The following RXRA variants were observed in gnomAD, a reference collection of about 807,000 sequenced individuals.
RXRA encodes retinoid X receptor alpha, also known as retinoic acid receptor RXR-alpha.
Under a neutral mutation model 44.5 loss-of-function variants are expected in RXRA, and 5 were observed. The observed-to-expected ratio is 0.11, with a 90% CI of 0.06 to 0.24. The LOEUF (loss-of-function observed/expected upper bound fraction) is 0.24, where lower values mean the gene tolerates loss of function less well. Ranked by LOEUF, RXRA falls within the 10% of genes least tolerant of loss-of-function variation. RXRA has a pLI of 1.00. For missense variants in RXRA, 412 were observed against 646.5 expected (o/e 0.64, Z 3.93); for synonymous variants, 291 against 271.4 (o/e 1.07, Z -0.71).
intron 1 of RXRA, among the ~76,000 whole-genome samples, chr9:134,344,779 C>CT (rs1830130430): frequency 6.6e-6 from 1 of 152,236 alleles, no homozygotes; most frequent in Admixed American, 6.5e-5. Context: ...TGACCGGTGT[C>CT]TGTCTGTGTG....
At chr9:134,379,342 C>A in intron 1 of RXRA, 1 of 987,414 alleles carries the variant, frequency 1.0e-6, no homozygotes, top group Non-Finnish European at 1.2e-6. Context: ...CTGGGGGCTC[C>A]GTGACAGACA....
At chr9:134,421,557 G>A in intron 5 of RXRA, 119 bp from the exon 6 acceptor site, 1 of 1,176,438 alleles carries the variant, frequency 8.5e-7, no homozygotes, top group Non-Finnish European at 1.2e-6. Flanking sequence ...GGGCATCTTT[G>A]GGGGCCGTAT....
intron 9 of RXRA, among the ~76,000 whole-genome samples, chr9:134,435,566 A>C (rs935699434): frequency 1.3e-5 from 2 of 152,178 alleles, no homozygotes; most frequent in African/African-American, 2.4e-5. Context: ...ACAGCCCTGC[A>C]CAAGGTGCCG....
At position 134,370,854 on chromosome 9, in the gene RXRA, G is replaced by A. The variant is rs114350004; in HGVS notation, c.29-30778G>A. ...GAGTGCTCTCACTCCAGGAGAGAAC[G>A]CTGCCAAGAGAAGGGTGGCTGGCCC... is the stretch of plus-strand genomic sequence containing the variant. On this transcript the variant is annotated intron_variant, in intron 1 of 9. Transcript: ENST00000481739. Among the ~76,000 whole-genome samples the A allele has an allele frequency of 4.0e-3, 608 of 152,344 alleles. 3 individuals carry two copies. The highest frequency in any genetic ancestry group is 0.014 in the African/African-American group (592 of 41,578).
Position 134,379,556 on chromosome 9 carries a change from C to T in RXRA, c.29-22076C>T, listed in dbSNP as rs1315659116. On this transcript the variant is annotated intron_variant, in intron 1 of 9. Transcript: ENST00000481739. ...GTGGCCCAGGGTCTTGGTGGCTCGG[C>T]CTCATGGGGGGCTTGCTCCAGGCCT... is the stretch of plus-strand genomic sequence containing the variant. The T allele has an allele frequency of 8.1e-6, 8 of 985,578 alleles. No homozygotes were observed. In the African/African-American group the frequency reaches 1.4e-4, roughly 17 times the overall value. The allele number at this position is 985,578 out of a possible 1,614,324, so 61.1% of individuals were successfully genotyped here.
intron 1 of RXRA, among the ~76,000 whole-genome samples, chr9:134,382,439 A>T (rs1178752603): frequency 6.6e-6 from 1 of 152,090 alleles, no homozygotes; most frequent in Admixed American, 6.5e-5. Flanking sequence ...GGGCGGGGCC[A>T]GGGCAGCTGG....
intron 6 of RXRA, chr9:134,422,880 A>T: frequency 4.1e-6 from 4 of 985,452 alleles, no homozygotes; most frequent in Non-Finnish European, 4.8e-6. Context: ...GCTGCCCAGG[A>T]GAGCCACGTG....
At chr9:134,373,174 C>G (rs1184032840) in intron 1 of RXRA, among the ~76,000 whole-genome samples, 1 of 152,206 alleles carries the variant, frequency 6.6e-6, no homozygotes, top group Non-Finnish European at 1.5e-5. Flanking sequence ...AGGAGCCATG[C>G]TTTCTGGTAA....
At chr9:134,399,047 T>C (rs1446193309) in intron 1 of RXRA, among the ~76,000 whole-genome samples, 1 of 152,254 alleles carries the variant, frequency 6.6e-6, no homozygotes. Flanking sequence ...AGGCTCAGTC[T>C]GTGTGGATTT....
intron 2 of RXRA, chr9:134,403,602 C>T (rs1183869471): frequency 2.6e-5 from 4 of 152,468 alleles, no homozygotes; most frequent in Admixed American, 2.0e-4. Context: ...TAGGTTACCC[C>T]CTGCGGGTGG....
chr9:134,364,862 G>A (rs1830394661), intron 1 of RXRA, among the ~76,000 whole-genome samples: 2 of 152,238 alleles, frequency 1.3e-5, no homozygotes, highest in South Asian at 4.1e-4. Flanking sequence ...CCAGGAGCGT[G>A]GACTTTGGCA....
rs62576312 is a variant in RXRA, at chr9:134,343,200, C to T, written c.28+16541C>T. Among the ~76,000 whole-genome samples the T allele has an allele frequency of 0.19, 29,547 of 152,108 alleles. 2,950 individuals carry two copies. Among genetic ancestry groups the T allele is most frequent in the Middle Eastern group, 0.23 (68 of 294 alleles). ...CTGTGTGACCTGGGGCAGCGTGTCT[C>T]TCTCTCTGAGTGTCGACTTTCTCAT... On this transcript the variant is annotated intron_variant, in intron 1 of 9. Transcript: ENST00000481739. This position sits in a 1 kb window ranked among gnomAD's most constrained non-coding sequence, Gnocchi z 4.1.
At chr9:134,373,258 G>T (rs1830512197) in intron 1 of RXRA, among the ~76,000 whole-genome samples, 1 of 152,168 alleles carries the variant, frequency 6.6e-6, no homozygotes, top group Non-Finnish European at 1.5e-5. Flanking sequence ...CTGTTCTTGG[G>T]CTAGGAATGG....
intron 1 of RXRA, among the ~76,000 whole-genome samples, chr9:134,348,306 C>T (rs782392188): frequency 6.6e-6 from 1 of 152,148 alleles, no homozygotes; most frequent in Non-Finnish European, 1.5e-5. Context: ...AACATTTTGG[C>T]GGCAGGACCA....
chr9:134,417,059 G>C lies in RXRA; in HGVS notation c.611-99G>C. The C allele has an allele frequency of 7.7e-7, 1 of 1,296,260 alleles. No individual in the cohort carries two copies. The highest frequency in any genetic ancestry group is 1.1e-6 in the Non-Finnish European group (1 of 946,896). The allele number at this position is 1,296,260 out of a possible 1,614,324, so 80.3% of individuals were successfully genotyped here. ...TGGTGGGGATGCTGGTGTTGTGGGT[G>C]AGTTGGCTGGGAGCTGGCACCACCC... On this transcript the variant is annotated intron_variant, in intron 4 of 9. Transcript: ENST00000481739. This position sits in a 1 kb window ranked among gnomAD's most constrained non-coding sequence, Gnocchi z 6.1.
chr9:134,405,341 C>T (rs2075836524), intron 2 of RXRA: 1 of 152,348 alleles, frequency 6.6e-6, no homozygotes, highest in Non-Finnish European at 1.5e-5. Context: ...CCGGGCTCCA[C>T]TCTTCTCAGA....
chr9:134,412,649 G>T (rs1202993752), intron 4 of RXRA, among the ~76,000 whole-genome samples: 2 of 152,206 alleles, frequency 1.3e-5, no homozygotes, highest in Non-Finnish European at 2.9e-5. Context: ...GGGACGTGCA[G>T]TGGTGGGTGT....
chr9:134,419,631 C>T (rs375292575), intron 5 of RXRA, among the ~76,000 whole-genome samples: 1 of 152,232 alleles, frequency 6.6e-6, no homozygotes, highest in African/African-American at 2.4e-5. Context: ...AGGGCCTGGG[C>T]GGGTCCTGTG....
chr9:134,397,239 C>T (rs1830893370), intron 1 of RXRA, among the ~76,000 whole-genome samples: 1 of 152,166 alleles, frequency 6.6e-6, no homozygotes, highest in Non-Finnish European at 1.5e-5. Context: ...CCTGCATACA[C>T]CTGGGGTGGC....
Sources: allele counts gnomAD v4.1 joint callset (sites outside exome capture counted in the v4.1 genomes callset), GRCh38; gene constraint gnomAD v4.1.1; non-coding constraint Gnocchi (gnomAD v3.1); transcripts MANE v1.5; gene names NCBI Gene and HGNC (gene_info 2026-07-23, HGNC 2026-07-21).